Variants in COL5A2 observed in about 807,000 individuals in gnomAD.
The protein encoded by COL5A2 is collagen alpha-2(V) chain.
A neutral mutation model predicts 208.2 loss-of-function variants in COL5A2; 23 were observed. That is an observed-to-expected ratio of 0.11 (90% confidence interval 0.08 to 0.16). The LOEUF (loss-of-function observed/expected upper bound fraction) is 0.16, where lower values mean the gene tolerates loss of function less well. Among genes scored for constraint, COL5A2 ranks in the 10% least tolerant of loss-of-function variants. The pLI, the probability that COL5A2 is intolerant of heterozygous loss-of-function variation, is 1.00. For missense variants in COL5A2, 1,590 were observed against 1,956.4 expected (o/e 0.81, Z 3.53); for synonymous variants, 625 against 628.5 (o/e 0.99, Z 0.08).
intron 52 of COL5A2, 54 bp from the exon 53 acceptor site, chr2:189,035,209 C>T (rs555668124): frequency 2.5e-6 from 4 of 1,607,268 alleles, no homozygotes; most frequent in South Asian, 1.1e-5. Context: ...TTCATAATGC[C>T]TTACACATGT....
At chr2:189,085,669 T>C (rs1044248759) in intron 10 of COL5A2, 50 bp downstream of exon 10, 15 of 1,478,894 alleles carry the variant, frequency 1.0e-5, no homozygotes, top group Middle Eastern at 1.7e-4. Context: ...GACATCATTA[T>C]AATGGTGGAC....
chr2:189,049,382 C>T lies in COL5A2; in HGVS notation c.3112G>A (p.Gly1038Ser). ...GGTTCCCCTACAGGACCATTGGAGCCTGGGGGCCCCACAGGTCCAGGTGGA... is the reference window on the plus strand; with the variant it reads ...GGTTCCCCTACAGGACCATTGGAGCTTGGGGGCCCCACAGGTCCAGGTGGA... ...KGPPGPVGPPGSNGPVGEPGP... is the reference protein window; with the variant it reads ...KGPPGPVGPPSSNGPVGEPGP... Residue 1038 changes from glycine (G) to serine (S), a missense_variant, in exon 44 of 54, where the codon GGC (glycine) becomes AGC (serine). Transcript: ENST00000374866. 1 of 1,613,458 alleles carries T rather than the reference C, an allele frequency of 6.2e-7. No individual in the cohort carries two copies. The highest frequency in any genetic ancestry group is 1.1e-5 in the South Asian group (1 of 90,838).
At position 189,043,266 on chromosome 2, in the gene COL5A2, T is replaced by C. The variant is rs1397487171; in HGVS notation, c.3364-8A>G. ...ACGAGGTCCTTGGGGTCCCTAGAAA[T>C]AGAGATATGGCATGAAAATTACTTG... On this transcript the variant is annotated splice_polypyrimidine_tract_variant and splice_region_variant and intron_variant, in intron 47 of 53. Transcript: ENST00000374866. 2.5e-6 allele frequency: 4 copies of C among 1,587,040 alleles called. No individual in the cohort carries two copies. Among genetic ancestry groups the C allele is most frequent in the South Asian group, 1.1e-5 (1 of 90,476 alleles).
chr2:189,373,122 A>C, the COL5A2 span, among the ~76,000 whole-genome samples: 1 of 152,126 alleles, frequency 6.6e-6, no homozygotes, highest in Non-Finnish European at 1.5e-5. Context: ...TCATGGCAAA[A>C]TTCATTTCTG....
At chr2:189,163,578 A>G (rs1189755467) in intron 1 of COL5A2, among the ~76,000 whole-genome samples, 2 of 152,236 alleles carry the variant, frequency 1.3e-5, no homozygotes, top group Admixed American at 6.5e-5. Context: ...TAAATAAACC[A>G]TATTTAGGGA....
chr2:189,422,584 C>T, the COL5A2 span, among the ~76,000 whole-genome samples: 1 of 152,176 alleles, frequency 6.6e-6, no homozygotes, highest in Non-Finnish European at 1.5e-5. Flanking sequence ...CACACATTCT[C>T]TCAATGGCAC....
At chr2:189,086,285 T>C (rs1686660405) in intron 9 of COL5A2, among the ~76,000 whole-genome samples, 1 of 152,230 alleles carries the variant, frequency 6.6e-6, no homozygotes, top group Non-Finnish European at 1.5e-5. Context: ...CTGATAGGCA[T>C]TTTAAAAGCA....
intron 1 of COL5A2, among the ~76,000 whole-genome samples, chr2:189,158,998 T>C (rs1375440887): frequency 2.6e-5 from 4 of 152,162 alleles, no homozygotes; most frequent in African/African-American, 9.7e-5. Context: ...CACACAAATA[T>C]TTATACTCTA....
intron 1 of COL5A2, among the ~76,000 whole-genome samples, chr2:189,143,006 G>A (rs1003195171): frequency 3.9e-5 from 6 of 151,982 alleles, no homozygotes; most frequent in South Asian, 4.2e-4. Flanking sequence ...ATGATTGTTC[G>A]ATCTCTCTCC....
Position 189,221,161 on chromosome 2 carries a change from C to A in COL5A2, c.-42+3987G>T, listed in dbSNP as rs572773593. On this transcript the variant is annotated intron_variant, in intron 1 of 10. Coordinates refer to the COL5A2 transcript ENST00000649966. ...GGAGAGCTGTTATACTGGATCTCAA[C>A]AGAAATCGAAATCAAAATGATAAGG... Among the ~76,000 whole-genome samples the A allele has an allele frequency of 3.9e-5, 6 of 152,218 alleles. No individual in the cohort carries two copies. In the East Asian group the frequency reaches 1.2e-3, roughly 29 times the overall value.
At chr2:189,440,105 A>G in the COL5A2 span, among the ~76,000 whole-genome samples, 1 of 152,252 alleles carries the variant, frequency 6.6e-6, no homozygotes, top group Non-Finnish European at 1.5e-5. Flanking sequence ...CTGGCTCCCC[A>G]AATAATAAAG....
intron 1 of COL5A2, among the ~76,000 whole-genome samples, chr2:189,153,439 G>A (rs752822815): frequency 2.6e-5 from 4 of 152,144 alleles, no homozygotes; most frequent in African/African-American, 7.2e-5. Flanking sequence ...CTCAAGATTT[G>A]AAGACAAATC....
the COL5A2 span, among the ~76,000 whole-genome samples, chr2:189,326,438 T>G: frequency 6.6e-6 from 1 of 152,112 alleles, no homozygotes; most frequent in Admixed American, 6.5e-5. Context: ...TTCACACTTG[T>G]AATCCCAGCA....
chr2:189,086,859 GAAAAGT>G (rs1042150365), intron 8 of COL5A2, 89 bp from the exon 9 acceptor site: 2 of 1,152,136 alleles, frequency 1.7e-6, no homozygotes, highest in Non-Finnish European at 2.5e-6. Flanking sequence ...CTAGAATCTG[GAAAAGT>G]GAAGTTTTGA....
chr2:189,301,207 C>G, the COL5A2 span, among the ~76,000 whole-genome samples: 2 of 151,938 alleles, frequency 1.3e-5, no homozygotes, highest in African/African-American at 4.8e-5. Flanking sequence ...TGATCTGTGA[C>G]AGCATCTCCC....
At chr2:189,231,821 A>G in the COL5A2 span, among the ~76,000 whole-genome samples, 1 of 151,728 alleles carries the variant, frequency 6.6e-6, no homozygotes, top group Non-Finnish European at 1.5e-5. Context: ...TTCCAACAAG[A>G]CAGTCTTTCT....
chr2:189,245,060 G>C, the COL5A2 span, among the ~76,000 whole-genome samples: 1 of 152,088 alleles, frequency 6.6e-6, no homozygotes, highest in Non-Finnish European at 1.5e-5. Flanking sequence ...TTAAAAGGAA[G>C]ACCCACCCCC....
intron 1 of COL5A2, among the ~76,000 whole-genome samples, chr2:189,177,919 C>T (rs1688706838): frequency 6.6e-6 from 1 of 151,976 alleles, no homozygotes; most frequent in South Asian, 2.1e-4. Context: ...TTCATTTTAA[C>T]ATAAATTAAC....
the COL5A2 span, among the ~76,000 whole-genome samples, chr2:189,433,655 A>C: frequency 2.6e-5 from 4 of 152,326 alleles, no homozygotes; most frequent in Non-Finnish European, 4.4e-5. Context: ...CTCTGAATAG[A>C]CCAATAACAG....
Sources: gnomAD v4.1 joint callset for allele counts (sites outside exome capture counted in the v4.1 genomes callset) on GRCh38, gnomAD v4.1.1 for gene constraint, MANE v1.5 for transcripts, NCBI Gene and HGNC (gene_info 2026-07-23, HGNC 2026-07-21) for gene names.